The following SLC2A9 variants were observed in gnomAD, a reference collection of about 807,000 sequenced individuals.
SLC2A9 encodes solute carrier family 2 member 9, also known as solute carrier family 2, facilitated glucose transporter member 9.
A neutral mutation model predicts 50.6 loss-of-function variants in SLC2A9; 39 were observed. That is an observed-to-expected ratio of 0.77 (90% CI 0.60 to 1.01). SLC2A9 has a LOEUF of 1.01. Ranked by LOEUF, SLC2A9 falls within the 50% of genes least tolerant of loss-of-function variation. The probability of loss-of-function intolerance (pLI) is 0.00; values close to 1 mark genes in which losing one functional copy is unlikely to be tolerated. For synonymous variants in SLC2A9, 324 were observed against 276.9 expected, an observed-to-expected ratio of 1.17 and a Z score of -1.69; for missense variants, 686 against 677.6, an observed-to-expected ratio of 1.01 and a Z score of -0.14.
chr4:9,812,884 C>T (rs1198288857), intron 3 of SLC2A9, among the ~76,000 whole-genome samples: 2 of 152,160 alleles, frequency 1.3e-5, no homozygotes, highest in Admixed American at 6.5e-5. Context: ...ATTTACTCGA[C>T]TTAATGTACA....
downstream of SLC2A9, among the ~76,000 whole-genome samples, chr4:9,796,160 T>C (rs902127501): frequency 6.6e-5 from 10 of 152,218 alleles, no homozygotes; most frequent in African/African-American, 2.4e-4. Context: ...TCCCATAGAC[T>C]TAAGTCCTGA....
At chr4:9,788,893 G>C (rs1211973366) in intron 3 of SLC2A9, among the ~76,000 whole-genome samples, 1 of 152,168 alleles carries the variant, frequency 6.6e-6, no homozygotes, top group Non-Finnish European at 1.5e-5. Flanking sequence ...TTTCCAAGGA[G>C]ACCAGGGTTC....
At chr4:9,813,920 AC>A (rs1723206298) in intron 3 of SLC2A9, among the ~76,000 whole-genome samples, 1 of 152,170 alleles carries the variant, frequency 6.6e-6, no homozygotes, top group Non-Finnish European at 1.5e-5. Flanking sequence ...ACAAGGTGAA[AC>A]CCCATCTCTA....
chr4:9,792,588 C>A (rs1201360522), intron 3 of SLC2A9, among the ~76,000 whole-genome samples: 1 of 152,156 alleles, frequency 6.6e-6, no homozygotes, highest in East Asian at 1.9e-4. Context: ...CATGCAGCCA[C>A]CTGCTGTTGC....
intron 3 of SLC2A9, among the ~76,000 whole-genome samples, chr4:9,812,889 T>C (rs1429374827): frequency 6.6e-6 from 1 of 152,242 alleles, no homozygotes; most frequent in Non-Finnish European, 1.5e-5. Flanking sequence ...CTCGACTTAA[T>C]GTACAAATTT....
chr4:10,013,786 C>T (rs746974135), intron 2 of SLC2A9, among the ~76,000 whole-genome samples: 1 of 152,142 alleles, frequency 6.6e-6, no homozygotes, highest in African/African-American at 2.4e-5. Context: ...AAGGTAAATG[C>T]CCACTGCCTG....
intron 2 of SLC2A9, among the ~76,000 whole-genome samples, chr4:10,010,693 T>C (rs1761617332): frequency 6.6e-6 from 1 of 152,130 alleles, no homozygotes; most frequent in Admixed American, 6.5e-5. Flanking sequence ...CTCCAAGCAT[T>C]TCCCCCAAGC....
At chr4:9,821,351 G>GA (rs1173379067), downstream of SLC2A9, among the ~76,000 whole-genome samples, 1 of 151,242 alleles carries the variant, frequency 6.6e-6, no homozygotes, top group Non-Finnish European at 1.5e-5. Flanking sequence ...TGTGCCTTTG[G>GA]ATGGATGAAG....
At chr4:9,788,804 A>T (rs114734117) in intron 3 of SLC2A9, among the ~76,000 whole-genome samples, 1 of 152,102 alleles carries the variant, frequency 6.6e-6, no homozygotes, top group Non-Finnish European at 1.5e-5. Context: ...TTATTCTTTG[A>T]GTAGTTTTTT....
chr4:10,018,606 C>A (rs1158202888), intron 2 of SLC2A9, among the ~76,000 whole-genome samples: 3 of 126,496 alleles, frequency 2.4e-5, no homozygotes, highest in East Asian at 4.4e-4. Flanking sequence ...AACAACAAAA[C>A]AAATCAAGAA....
At chr4:9,780,012 C>A (rs918478605) in exon 4 of SLC2A9, 4 of 152,284 alleles carry the variant, frequency 2.6e-5, no homozygotes, top group African/African-American at 9.7e-5. Flanking sequence ...GTGGTGGTGG[C>A]GGCAGCTTGA....
At chr4:9,914,128 T>C (rs1016014091) in intron 7 of SLC2A9, among the ~76,000 whole-genome samples, 1 of 152,192 alleles carries the variant, frequency 6.6e-6, no homozygotes, top group African/African-American at 2.4e-5. Flanking sequence ...CAAACATTTC[T>C]ACTGTCCTCT....
intron 11 of SLC2A9, among the ~76,000 whole-genome samples, chr4:9,827,048 C>T (rs917804776): frequency 6.6e-6 from 1 of 152,154 alleles, no homozygotes; most frequent in Non-Finnish European, 1.5e-5. Context: ...CAAGGTAATG[C>T]CAGTTTTTTC....
chr4:9,847,324 T>C (rs116347527), intron 10 of SLC2A9, among the ~76,000 whole-genome samples: 67 of 152,300 alleles, frequency 4.4e-4, no homozygotes, highest in African/African-American at 1.5e-3. Context: ...AAGGCGGAGA[T>C]GTCATACACT....
intron 5 of SLC2A9, among the ~76,000 whole-genome samples, chr4:9,967,076 T>C (rs1753163777): frequency 6.6e-6 from 1 of 152,234 alleles, no homozygotes; most frequent in Non-Finnish European, 1.5e-5. Flanking sequence ...AACTCTTTCC[T>C]CATTTTCCAT....
At chr4:10,015,486 G>C (rs1195770112) in intron 2 of SLC2A9, among the ~76,000 whole-genome samples, 1 of 152,148 alleles carries the variant, frequency 6.6e-6, no homozygotes. Flanking sequence ...CCTGAATTGT[G>C]TCCCCTCCAA....
downstream of SLC2A9, among the ~76,000 whole-genome samples, chr4:9,824,330 T>C (rs1352219988): frequency 2.0e-5 from 3 of 152,174 alleles, no homozygotes; most frequent in African/African-American, 4.8e-5. Context: ...AAAAGTTTGT[T>C]TGTCTATAAA....
rs368990392 is a variant in SLC2A9, at chr4:9,850,974, C to G, written c.1292-15966G>C. 4.6e-5 allele frequency among the ~76,000 whole-genome samples: 7 copies of G among 151,676 alleles called. No homozygotes were observed. The South Asian group carries it at 1.5e-3, about 32-fold the overall frequency. On this transcript the variant is annotated intron_variant, in intron 10 of 11. Coordinates refer to ENST00000264784, the MANE Select transcript of SLC2A9 (RefSeq NM_020041.3). Reference sequence around the variant, plus strand: ...GCTAGCACAGGTGCTGGCAACCCCACCCCCACCAGTGTCCCACCCCTGCTG... The same window carrying G: ...GCTAGCACAGGTGCTGGCAACCCCAGCCCCACCAGTGTCCCACCCCTGCTG...
rs947747920 is a variant in SLC2A9 at position 9,967,645 on chromosome 4, T to C, written c.681+12947A>G. On this transcript the variant is annotated intron_variant, in intron 5 of 11. Transcript: ENST00000264784. ...TCAAAATATGGATTTAGAAAGAAAA[T>C]ATAAACAAAAAGAATCCAGTAAATA... Among the ~76,000 whole-genome samples the C allele has an allele frequency of 2.0e-5, 3 of 151,798 alleles. No homozygotes were observed. In the East Asian group the frequency reaches 5.8e-4, roughly 29 times the overall value.
Sources: allele counts gnomAD v4.1 joint callset (sites outside exome capture counted in the v4.1 genomes callset), GRCh38; gene constraint gnomAD v4.1.1; transcripts MANE v1.5; gene names NCBI Gene and HGNC (gene_info 2026-07-23, HGNC 2026-07-21).